The following PCDHGB2 variants were observed in gnomAD, a reference collection of about 807,000 sequenced individuals.
The protein encoded by PCDHGB2 is protocadherin gamma subfamily B, 2, also known as protocadherin gamma-B2.
In PCDHGB2, 55 loss-of-function variants were observed where a neutral mutation model predicts 59.3. The observed-to-expected ratio is 0.93, with a 90% confidence interval of 0.75 to 1.16. The LOEUF (loss-of-function observed/expected upper bound fraction) is 1.16. Ranked by LOEUF, PCDHGB2 falls within the 50% of genes most tolerant of loss-of-function variation. The pLI, the probability that PCDHGB2 is intolerant of heterozygous loss-of-function variation, is 0.00. For synonymous variants in PCDHGB2, 516 were observed against 512.0 expected, an observed-to-expected ratio of 1.01 and a Z score of -0.11; for missense variants, 1,228 against 1,198.5, an observed-to-expected ratio of 1.02 and a Z score of -0.36.
chr5:141,465,448 A>G (rs2099103302), intron 1 of PCDHGB2, among the ~76,000 whole-genome samples: 2 of 152,192 alleles, frequency 1.3e-5, no homozygotes, highest in Admixed American at 1.3e-4. Flanking sequence ...TTACCCAAGA[A>G]AACTCTCACC....
At chr5:141,502,074 C>G (rs73794927) in intron 2 of PCDHGB2, among the ~76,000 whole-genome samples, 1,657 of 152,272 alleles carry the variant, frequency 0.011, 27 homozygotes, top group African/African-American at 0.037. Flanking sequence ...CCCCCTTCAC[C>G]TGGGGCTGAG....
chr5:141,474,710 A>T (rs535069070), intron 1 of PCDHGB2, among the ~76,000 whole-genome samples: 31 of 152,330 alleles, frequency 2.0e-4, no homozygotes, highest in African/African-American at 6.3e-4. Context: ...GTTCTATTAT[A>T]CTTCAAAAGG....
intron 1 of PCDHGB2, among the ~76,000 whole-genome samples, chr5:141,455,603 C>T (rs1433078116): frequency 3.3e-5 from 5 of 152,190 alleles, no homozygotes; most frequent in Admixed American, 2.6e-4. Context: ...CGTAGGGCGC[C>T]ATGGATGTTC....
intron 1 of PCDHGB2, chr5:141,389,172 C>T: frequency 3.1e-6 from 5 of 1,614,036 alleles, no homozygotes; most frequent in Non-Finnish European, 4.2e-6. Context: ...CAAGCCTCCC[C>T]TCTCCTCCAG....
At chr5:141,422,090 A>T (rs762413085) in intron 1 of PCDHGB2, 1 of 1,611,852 alleles carries the variant, frequency 6.2e-7, no homozygotes, top group East Asian at 2.2e-5. Context: ...ATGGAAAGCA[A>T]GGCTTCTGAA....
At position 141,432,783 on chromosome 5, in the gene PCDHGB2, T is replaced by G; in HGVS notation, c.2422-62024T>G. The G allele has an allele frequency of 6.2e-7, 1 of 1,614,118 alleles. No individual in the cohort carries two copies. On this transcript the variant is annotated intron_variant, in intron 1 of 3. Transcript: ENST00000522605. The surrounding 1 kb of genome is among the most constrained non-coding windows in gnomAD (Gnocchi z 6.0). ...AGCATCCCCCAAGTCCTGGCGGACC[T>G]CGGCAGCCTCGAGTCTCCAGCTAAC...
At chr5:141,385,152 G>C in intron 1 of PCDHGB2, 1 of 1,614,210 alleles carries the variant, frequency 6.2e-7, no homozygotes, top group Non-Finnish European at 8.5e-7. Flanking sequence ...CTTTCCTGCA[G>C]ACCTATTCCC....
chr5:141,369,516 T>C (rs1766308366), intron 1 of PCDHGB2, among the ~76,000 whole-genome samples: 1 of 151,978 alleles, frequency 6.6e-6, no homozygotes, highest in South Asian at 2.1e-4. Flanking sequence ...AAAAAAAAAG[T>C]TTTCAATCAT....
At chr5:141,374,208 G>C in intron 1 of PCDHGB2, 1 of 1,613,952 alleles carries the variant, frequency 6.2e-7, no homozygotes, top group Non-Finnish European at 8.5e-7. Context: ...CTGGAGAAAG[G>C]CTCCTTCGTA....
Position 141,490,481 on chromosome 5 carries a change from G to A in PCDHGB2, c.2422-4326G>A, listed in dbSNP as rs771164683. 8.7e-6 allele frequency: 14 copies of A among 1,614,060 alleles called. No homozygotes were observed. The highest frequency in any genetic ancestry group is 4.0e-5 in the African/African-American group (3 of 74,928). ...CTGCTAACCAGCCAGCCTTTGGACCGGGAGGCCACATCCCACTATATCATC... is the reference window on the plus strand; with the variant it reads ...CTGCTAACCAGCCAGCCTTTGGACCAGGAGGCCACATCCCACTATATCATC... On this transcript the variant is annotated intron_variant, in intron 1 of 3. Transcript: ENST00000522605. The surrounding 1 kb of genome is among the most constrained non-coding windows in gnomAD (Gnocchi z 5.4).
intron 1 of PCDHGB2, among the ~76,000 whole-genome samples, chr5:141,438,615 TATATATATATATATATATATACACACAC>T (rs2098021754): frequency 1.1e-4 from 4 of 35,920 alleles, no homozygotes; most frequent in Non-Finnish European, 1.8e-4. Flanking sequence ...TATATATATA[TATATATATATATATATATATACACACAC>T]ACACACACAT....
rs776189143 is a variant in PCDHGB2, at chr5:141,422,957, A to G, written c.2421+60401A>G. 11 of 1,614,190 alleles carry G rather than the reference A, an allele frequency of 6.8e-6. 1 individual carries two copies. The South Asian group carries it at 7.7e-5, about 11-fold the overall frequency. Reference sequence around the variant, plus strand: ...CCCACAGACGGCTCCACTGGCGTGGAGCTGGCGCCCCGCTCTGCGGAACCT... The same window carrying G: ...CCCACAGACGGCTCCACTGGCGTGGGGCTGGCGCCCCGCTCTGCGGAACCT... On this transcript the variant is annotated intron_variant, in intron 1 of 3. Coordinates refer to ENST00000522605, the MANE Select transcript of PCDHGB2 (RefSeq NM_018923.3).
chr5:141,479,733 A>G (rs2099504879), intron 1 of PCDHGB2: 1 of 152,254 alleles, frequency 6.6e-6, no homozygotes, highest in Admixed American at 6.5e-5. Context: ...TTTCTTAAGT[A>G]TATGCACAAT....
intron 1 of PCDHGB2, chr5:141,375,976 C>T: frequency 6.2e-7 from 1 of 1,613,390 alleles, no homozygotes; most frequent in South Asian, 1.1e-5. Context: ...CGGCGCGCGC[C>T]CTGCTGGACA....
intron 1 of PCDHGB2, among the ~76,000 whole-genome samples, chr5:141,430,253 T>G (rs2097270288): frequency 9.8e-6 from 1 of 102,050 alleles, no homozygotes; most frequent in Admixed American, 1.0e-4. Context: ...TAGGGAGACA[T>G]CTCCATAATA....
intron 1 of PCDHGB2, chr5:141,388,215 G>A (rs2091280920): frequency 6.3e-7 from 1 of 1,597,062 alleles, no homozygotes. Flanking sequence ...GGCTGTTGCT[G>A]AAAATCCACT....
intron 1 of PCDHGB2, among the ~76,000 whole-genome samples, chr5:141,379,919 T>G (rs930949901): frequency 6.2e-5 from 7 of 113,224 alleles, no homozygotes; most frequent in Non-Finnish European, 1.2e-4. Flanking sequence ...TTTTTTTTTT[T>G]GTCAGAGTCT....
intron 2 of PCDHGB2, among the ~76,000 whole-genome samples, chr5:141,496,104 G>A (rs950960102): frequency 6.8e-6 from 1 of 146,980 alleles, no homozygotes; most frequent in African/African-American, 2.5e-5. Context: ...CCAACACCCC[G>A]CTCTCTTCCT....
chr5:141,486,017 A>C lies in PCDHGB2; in HGVS notation c.2422-8790A>C, dbSNP rs746747518. 1 of 1,614,176 alleles carries C rather than the reference A, an allele frequency of 6.2e-7. No homozygotes were observed. The highest frequency in any genetic ancestry group is 8.5e-7 in the Non-Finnish European group (1 of 1,180,038). ...CAGTGGTAACGTCACCTTTTATTTC[A>C]GTGGTCATACCCCTGATCGTGTAAG... On this transcript the variant is annotated intron_variant, in intron 1 of 3. Coordinates refer to ENST00000522605, the MANE Select transcript of PCDHGB2 (RefSeq NM_018923.3). This position sits in a 1 kb window ranked among gnomAD's most constrained non-coding sequence, Gnocchi z 5.0.
Sources: allele counts gnomAD v4.1 joint callset (sites outside exome capture counted in the v4.1 genomes callset), GRCh38; gene constraint gnomAD v4.1.1; non-coding constraint Gnocchi (gnomAD v3.1); transcripts MANE v1.5; gene names NCBI Gene and HGNC (gene_info 2026-07-23, HGNC 2026-07-21).